ATG13: variants seen among roughly 807,000 people sequenced by gnomAD.
The protein encoded by ATG13 is autophagy-related protein 13.
Under a neutral mutation model 65.5 loss-of-function variants are expected in ATG13, and 23 were observed. The ratio of observed to expected loss-of-function variants is 0.35; its 90% confidence interval spans 0.25 to 0.50. ATG13 has a LOEUF of 0.50. Among genes scored for constraint, ATG13 ranks in the 20% least tolerant of loss-of-function variants. The probability of loss-of-function intolerance (pLI) is 0.98; values close to 1 mark genes in which losing one functional copy is unlikely to be tolerated. For missense variants in ATG13, 566 were observed against 677.0 expected (o/e 0.84, Z 1.82); for synonymous variants, 252 against 245.2 (o/e 1.03, Z -0.26).
rs1436172888 is a variant in ATG13 at position 46,645,900 on chromosome 11, G to A, written c.181G>A (p.Val61Ile). 3.1e-6 allele frequency: 5 copies of A among 1,614,164 alleles called. No individual in the cohort carries two copies. Among genetic ancestry groups the A allele is most frequent in the Non-Finnish European group, 3.4e-6 (4 of 1,180,032 alleles). ...FNLAIKDIPEVTHEAKKALAG... is the reference protein window; with the variant it reads ...FNLAIKDIPEITHEAKKALAG... ...CTTAGCAATCAAAGACATCCCAGAG[G>A]TTACACATGAAGCAAAGAAGGCACT... The change falls in exon 5 of 19, where the codon GTT becomes ATT. Residue 61 changes from valine (V) to isoleucine (I), a missense_variant. This residue lies in a region of ATG13 where 179 missense variants were observed against 267.2 expected (regional missense o/e 0.67). Transcript: ENST00000683050.
intron 8 of ATG13, 185 bp from the exon 9 acceptor site, chr11:46,656,908 TAC>T: frequency 5.9e-6 from 3 of 510,742 alleles, no homozygotes; most frequent in Non-Finnish European, 1.1e-5. Context: ...AACCTATATA[TAC>T]ACACACATAC....
chr11:46,639,228 C>T (rs368273488), intron 2 of ATG13, among the ~76,000 whole-genome samples: 5 of 152,088 alleles, frequency 3.3e-5, no homozygotes, highest in African/African-American at 9.7e-5. Flanking sequence ...CCTCATGATC[C>T]GCCTACCTTG....
In ATG13 at chr11:46,666,619, A is replaced by G. The variant is rs569786396; in HGVS notation, c.1136+1100A>G. Among the ~76,000 whole-genome samples the G allele has an allele frequency of 5.3e-5, 8 of 152,328 alleles. No homozygotes were observed. In the South Asian group the frequency reaches 1.7e-3, roughly 32 times the overall value. On this transcript the variant is annotated intron_variant, in intron 14 of 18. Transcript: ENST00000683050. ...TGTTACCTGCTTATTTAAAGACTGA[A>G]AGAAACTTTCAGAACGGTTAAGTGA...
At chr11:46,665,320 T>C in intron 13 of ATG13, 63 bp from the exon 14 acceptor site, 1 of 1,569,624 alleles carries the variant, frequency 6.4e-7, no homozygotes, top group Non-Finnish European at 8.7e-7. Flanking sequence ...CATGCTAGAA[T>C]GTGAAGTTCC....
In ATG13 at chr11:46,649,143, T is replaced by A. The variant is rs1418691918; in HGVS notation, c.277T>A (p.Ser93Thr). 5.0e-6 allele frequency: 8 copies of A among 1,612,866 alleles called. No homozygotes were observed. The highest frequency in any genetic ancestry group is 5.9e-6 in the Non-Finnish European group (7 of 1,179,324). ...AAATTTGTCCTTTCTACAGGGAGAT[T>A]CCATGGAGCTGGAAATATGGTGTCT... ...EISLKTSEGD[S>T]MELEIWCLEM... The change falls in exon 6 of 19, where the codon TCC (serine) becomes ACC (threonine). Residue 93 changes from serine to threonine, a missense_variant. Around this residue, in one of 2 missense-constraint regions of ATG13, gnomAD observed 179 missense variants for 267.2 expected, o/e 0.67. Transcript: ENST00000683050.
Position 46,664,951 on chromosome 11 carries a change from C to A in ATG13, c.991C>A (p.Pro331Thr). The A allele has an allele frequency of 2.5e-6, 4 of 1,613,340 alleles. No individual in the cohort carries two copies. The South Asian group carries it at 4.4e-5, about 18-fold the overall frequency. ...VFAAGLNATH[P>T]HQLMVPGKEG... ...TGCTGCTGGCTTAAATGCTACACACCCTCACCAGGTATCTTTAAAGATGGG... is the reference window on the plus strand; with the variant it reads ...TGCTGCTGGCTTAAATGCTACACACACTCACCAGGTATCTTTAAAGATGGG... Residue 331 changes from proline (P) to threonine (T), a missense_variant, in exon 13 of 19, where the codon CCT becomes ACT. Physicochemically the swap from Pro to Thr is conservative, Grantham distance 38. Transcript: ENST00000683050.
chr11:46,670,874 G>A (rs1360852111), intron 18 of ATG13, among the ~76,000 whole-genome samples: 1 of 152,088 alleles, frequency 6.6e-6, no homozygotes, highest in Non-Finnish European at 1.5e-5. Context: ...TTTTCTAAGT[G>A]TTTTACATGA....
chr11:46,655,897 C>T (rs542326121), intron 7 of ATG13, among the ~76,000 whole-genome samples: 54 of 152,208 alleles, frequency 3.5e-4, no homozygotes, highest in Non-Finnish European at 4.3e-4. Flanking sequence ...ACCATCACAC[C>T]CGGCAAAATT....
intron 1 of ATG13, among the ~76,000 whole-genome samples, chr11:46,622,121 A>ATT (rs1163406451): frequency 2.5e-4 from 20 of 81,366 alleles, no homozygotes; most frequent in African/African-American, 9.2e-4. Flanking sequence ...ATATATATAT[A>ATT]TATATATTTA....
rs2061760586 is a variant in ATG13 at position 46,664,068 on chromosome 11, C to T, written c.861C>T (p.Pro287=). ...TPVVTDTLRV[P]MAGLAFSHQL... ...TGGTGACGGACACCCTGAGGGTCCC[C>T]ATGGCAGGACTGGCCTTTTCCCATC... is the stretch of plus-strand genomic sequence containing the variant. Residue 287 remains proline, a synonymous_variant, in exon 12 of 19, where the codon CCC becomes CCT. Transcript: ENST00000683050. 1 of 1,597,388 alleles carries T rather than the reference C, an allele frequency of 6.3e-7. No individual in the cohort carries two copies. Among genetic ancestry groups the T allele is most frequent in the South Asian group, 1.1e-5 (1 of 90,868 alleles).
At chr11:46,623,017 G>A (rs954480410) in intron 1 of ATG13, among the ~76,000 whole-genome samples, 3 of 152,096 alleles carry the variant, frequency 2.0e-5, no homozygotes, top group South Asian at 2.1e-4. Context: ...TATTTGGGCC[G>A]GGTGCCGTGG....
At chr11:46,671,238 G>A (rs188057875) in intron 18 of ATG13, among the ~76,000 whole-genome samples, 12 of 152,178 alleles carry the variant, frequency 7.9e-5, no homozygotes, top group Non-Finnish European at 1.5e-4. Context: ...CCTTGTGGTC[G>A]TGTTTAAACC....
chr11:46,649,206 C>A, intron 6 of ATG13, 23 bp downstream of exon 6: 1 of 1,604,216 alleles, frequency 6.2e-7, no homozygotes, highest in Non-Finnish European at 8.5e-7. Flanking sequence ...TCTTAGGGTC[C>A]TTGGTTGTGG....
intron 1 of ATG13, among the ~76,000 whole-genome samples, chr11:46,627,828 TC>T (rs1246358566): frequency 6.6e-6 from 1 of 151,758 alleles, no homozygotes; most frequent in African/African-American, 2.4e-5. Context: ...ATGCCTGCAA[TC>T]CCCAGCAGTC....
At chr11:46,668,430 C>T in intron 15 of ATG13, 69 bp from the exon 16 acceptor site, 3 of 1,510,072 alleles carry the variant, frequency 2.0e-6, no homozygotes, top group South Asian at 1.1e-5. Flanking sequence ...AGGCTTCTGG[C>T]AACCAGGAAG....
At chr11:46,646,843 T>C (rs905402777) in intron 5 of ATG13, among the ~76,000 whole-genome samples, 1 of 152,070 alleles carries the variant, frequency 6.6e-6, no homozygotes, top group Non-Finnish European at 1.5e-5. Flanking sequence ...CATTGCAGCC[T>C]CGACCTCCTA....
rs773926286 is a variant in ATG13 at position 46,672,736 on chromosome 11, A to C, written c.*404A>C. On this transcript the variant is annotated 3_prime_UTR_variant, in exon 19 of 19. Coordinates refer to ENST00000683050, the MANE Select transcript of ATG13 (RefSeq NM_001346311.2). ...GTCACCATCCACTGTTTGACATTCC[A>C]GCTGGTGGCCAAGAGATTGGTGTGG... is the stretch of plus-strand genomic sequence containing the variant. 1 of 1,334,326 alleles carries C rather than the reference A, an allele frequency of 7.5e-7. No individual in the cohort carries two copies. Among genetic ancestry groups the C allele is most frequent in the Non-Finnish European group, 9.8e-7 (1 of 1,019,398 alleles). The allele number at this position is 1,334,326 out of a possible 1,614,324, so 82.7% of individuals were successfully genotyped here.
At chr11:46,667,090 T>C (rs1376229959) in intron 14 of ATG13, among the ~76,000 whole-genome samples, 3 of 152,168 alleles carry the variant, frequency 2.0e-5, no homozygotes, top group African/African-American at 4.8e-5. Context: ...CAGAGGCCCC[T>C]GTGTGGAAAT....
chr11:46,650,261 G>A lies in ATG13; in HGVS notation c.402G>A (p.Val134=), dbSNP rs2058630660. 6.2e-7 allele frequency: 1 copy of A among 1,613,964 alleles called. No homozygotes were observed. Among genetic ancestry groups the A allele is most frequent in the Non-Finnish European group, 8.5e-7 (1 of 1,180,016 alleles). Residue 134 remains valine (V), a synonymous_variant, in exon 7 of 19, where the codon GTG becomes GTA. Transcript: ENST00000683050. ...LLKSLLAITR[V]TPAYRLSRKQ... is the part of the protein sequence containing the mutation. The stretch of plus-strand genomic sequence containing the variant: ...AGTCCCTTCTTGCTATAACTAGGGT[G>A]ACACCAGCCTATAGGCTCTCCAGGA...
Sources: gnomAD v4.1 joint callset for allele counts (sites outside exome capture counted in the v4.1 genomes callset) on GRCh38, gnomAD v4.1.1 for gene constraint, gnomAD v4.1.1 regional missense constraint, MANE v1.5 for transcripts, NCBI Gene and HGNC (gene_info 2026-07-23, HGNC 2026-07-21) for gene names.